Variants in ATOSA observed in about 807,000 individuals in gnomAD.
ATOSA encodes atos homolog protein A.
At chr15:52,608,747 T>G in the ATOSA span, 4 of 1,609,546 alleles carry the variant, frequency 2.5e-6, no homozygotes, top group East Asian at 6.7e-5. Flanking sequence ...TAATTCTCTA[T>G]GCTATTAAGT....
chr15:52,636,029 TAATA>T, the ATOSA span, among the ~76,000 whole-genome samples: 9 of 145,978 alleles, frequency 6.2e-5, no homozygotes, highest in Non-Finnish European at 1.2e-4. Context: ...AATATATAAA[TAATA>T]AATATATATT....
At chr15:52,697,707 TA>T in the ATOSA span, among the ~76,000 whole-genome samples, 17 of 146,068 alleles carry the variant, frequency 1.2e-4, no homozygotes, top group Admixed American at 3.4e-4. Flanking sequence ...GAACTACCAT[TA>T]AAAAAAAAAG....
chr15:52,596,190 T>A, the ATOSA span, among the ~76,000 whole-genome samples: 6 of 152,094 alleles, frequency 3.9e-5, no homozygotes, highest in African/African-American at 1.4e-4. Context: ...TAAAAGAATA[T>A]ATAAATAAAT....
the ATOSA span, among the ~76,000 whole-genome samples, chr15:52,624,638 A>G: frequency 5.3e-5 from 8 of 152,250 alleles, no homozygotes; most frequent in South Asian, 2.1e-4. Context: ...CTCTATAGTT[A>G]TATCAACCTA....
At chr15:52,655,622 A>T in the ATOSA span, among the ~76,000 whole-genome samples, 14 of 152,164 alleles carry the variant, frequency 9.2e-5, no homozygotes. Context: ...TTGTAAGGAT[A>T]AAATAGGACA....
the ATOSA span, among the ~76,000 whole-genome samples, chr15:52,701,689 G>T: frequency 1.3e-5 from 2 of 152,104 alleles, no homozygotes; most frequent in Non-Finnish European, 2.9e-5. Context: ...TCAAAATTCA[G>T]ATACTATTAA....
chr15:52,650,268 G>T, the ATOSA span, among the ~76,000 whole-genome samples: 1 of 152,072 alleles, frequency 6.6e-6, no homozygotes, highest in East Asian at 1.9e-4. Context: ...TCTTCTTGAA[G>T]TGAGTGCTTT....
At chr15:52,662,769 CAAA>C in the ATOSA span, among the ~76,000 whole-genome samples, 7 of 79,024 alleles carry the variant, frequency 8.9e-5, no homozygotes, top group Admixed American at 1.3e-4. Context: ...GACTCCGTCT[CAAA>C]AAAAAAAAAA....
the ATOSA span, chr15:52,611,144 T>C: frequency 1.2e-6 from 2 of 1,613,544 alleles, no homozygotes; most frequent in South Asian, 2.2e-5. Context: ...AGAGAATATT[T>C]CGTGGAATAG....
At chr15:52,610,324 A>G in the ATOSA span, 7 of 1,613,884 alleles carry the variant, frequency 4.3e-6, no homozygotes, top group African/African-American at 1.3e-5. Context: ...AACAGGAAAC[A>G]CATGCTCAAT....
the ATOSA span, chr15:52,584,702 A>C: frequency 2.9e-5 from 45 of 1,536,704 alleles, no homozygotes; most frequent in Middle Eastern, 3.7e-4. Context: ...AAAATTTTAG[A>C]GTTGTTCTAA....
the ATOSA span, among the ~76,000 whole-genome samples, chr15:52,702,950 T>C: frequency 6.6e-6 from 1 of 152,144 alleles, no homozygotes; most frequent in Admixed American, 6.6e-5. Context: ...CAACGACTTG[T>C]ACACAAATTT....
At chr15:52,707,749 G>C in the ATOSA span, among the ~76,000 whole-genome samples, 1 of 152,046 alleles carries the variant, frequency 6.6e-6, no homozygotes, top group African/African-American at 2.4e-5. Context: ...ACATACTCCC[G>C]AATGATTCAG....
chr15:52,663,101 A>G, the ATOSA span, among the ~76,000 whole-genome samples: 21 of 152,296 alleles, frequency 1.4e-4, no homozygotes, highest in East Asian at 3.3e-3. Context: ...TCCCATTCAC[A>G]TTAGTCTATC....
chr15:52,603,489 A>T, the ATOSA span, among the ~76,000 whole-genome samples: 63 of 152,306 alleles, frequency 4.1e-4, 1 homozygote, highest in South Asian at 1.2e-3. Context: ...ATATATCTTA[A>T]GGAAAAAAAA....
chr15:52,593,143 CAA>C, the ATOSA span, among the ~76,000 whole-genome samples: 3 of 127,340 alleles, frequency 2.4e-5, no homozygotes, highest in African/African-American at 5.7e-5. Context: ...GAGATGCTGT[CAA>C]AAAAAAAAAA....
At chr15:52,629,161 T>C in the ATOSA span, among the ~76,000 whole-genome samples, 1 of 152,168 alleles carries the variant, frequency 6.6e-6, no homozygotes, top group South Asian at 2.1e-4. Context: ...AACTAAAGGT[T>C]TTTTAAAAAA....
chr15:52,602,162 C>CA, the ATOSA span, among the ~76,000 whole-genome samples: 1 of 152,142 alleles, frequency 6.6e-6, no homozygotes, highest in Non-Finnish European at 1.5e-5. Context: ...TTTGTCTACT[C>CA]ACTCACAAAA....
the ATOSA span, among the ~76,000 whole-genome samples, chr15:52,639,450 T>C: frequency 6.6e-6 from 1 of 152,208 alleles, no homozygotes; most frequent in East Asian, 1.9e-4. Flanking sequence ...TTTACAGATA[T>C]GCCAGAATAA....
Sources: allele counts gnomAD v4.1 joint callset (sites outside exome capture counted in the v4.1 genomes callset), GRCh38; gene constraint gnomAD v4.1.1; transcripts MANE v1.5; gene names NCBI Gene and HGNC (gene_info 2026-07-23, HGNC 2026-07-21).